Variants in PLXNA4 observed in about 807,000 individuals in gnomAD.
PLXNA4 encodes plexin-A4.
Under a neutral mutation model 191.8 loss-of-function variants are expected in PLXNA4, and 44 were observed. The observed-to-expected ratio is 0.23, with a 90% CI of 0.18 to 0.29. PLXNA4 has a LOEUF of 0.29. Ranked by LOEUF, PLXNA4 falls within the 10% of genes least tolerant of loss-of-function variation. The pLI is 1.00. For synonymous variants in PLXNA4, 1,082 were observed against 1,009.5 expected (o/e 1.07, Z -1.36); for missense variants, 1,800 against 2,488.8 (o/e 0.72, Z 5.89).
In PLXNA4 at chr7:132,507,787, TGCGCTCACA is replaced by T; in HGVS notation, c.898_906del (p.Cys300_Arg302del). 1 of 1,614,112 alleles carries T rather than the reference TGCGCTCACA, an allele frequency of 6.2e-7. No individual in the cohort carries two copies. The highest frequency in any genetic ancestry group is 8.5e-7 in the Non-Finnish European group (1 of 1,180,032). On this transcript the variant is annotated inframe_deletion, in exon 2 of 32. Coordinates refer to ENST00000321063, the MANE Select transcript of PLXNA4 (RefSeq NM_020911.2). ...TGCAGCAGGCGGTACTCCACCCCACTGCGCTCACAGCCAATGGGCACCTCTACATAGGAG... is the reference window on the plus strand; with the variant it reads ...TGCAGCAGGCGGTACTCCACCCCACTGCCAATGGGCACCTCTACATAGGAG...
At chr7:132,151,177 GAAT>G (rs1795586609) in intron 25 of PLXNA4, among the ~76,000 whole-genome samples, 1 of 151,192 alleles carries the variant, frequency 6.6e-6, no homozygotes, top group Admixed American at 6.6e-5. Context: ...AAAGGTGAAA[GAAT>G]AAGAAGAAAG....
chr7:132,400,755 T>C (rs1441958091), intron 3 of PLXNA4, among the ~76,000 whole-genome samples: 5 of 152,206 alleles, frequency 3.3e-5, no homozygotes, highest in Non-Finnish European at 5.9e-5. Flanking sequence ...AGTCCCTAGA[T>C]GTCCTCCTCG....
intron 1 of PLXNA4, among the ~76,000 whole-genome samples, chr7:132,544,566 T>C (rs761361058): frequency 6.6e-6 from 1 of 152,006 alleles, no homozygotes; most frequent in Non-Finnish European, 1.5e-5. Context: ...GCACACCCTG[T>C]CACTATGTGA....
At chr7:132,413,615 T>C (rs1794549020) in intron 3 of PLXNA4, among the ~76,000 whole-genome samples, 1 of 152,318 alleles carries the variant, frequency 6.6e-6, no homozygotes, top group Admixed American at 6.5e-5. Flanking sequence ...GCCTTACAAA[T>C]GGAGTTACTC....
intron 3 of PLXNA4, among the ~76,000 whole-genome samples, chr7:132,431,352 G>A (rs1184033115): frequency 6.6e-6 from 1 of 152,016 alleles, no homozygotes; most frequent in East Asian, 1.9e-4. Context: ...GGGTGGTAAG[G>A]CACACACCAC....
rs1802906258 is a variant in PLXNA4 at position 132,605,515 on chromosome 7, G to T, written c.-87+40413C>A. Among the ~76,000 whole-genome samples, 3 of 152,148 alleles carry T rather than the reference G, an allele frequency of 2.0e-5. No individual in the cohort carries two copies. In the South Asian group the frequency reaches 6.2e-4, roughly 32 times the overall value. On this transcript the variant is annotated intron_variant, in intron 2 of 4. Coordinates refer to the PLXNA4 transcript ENST00000378539. ...TTGGAAGCATGATGGTGCTTGGGGG[G>T]CCTGTTAGGAAGTGGGTAGGTGGCA...
In PLXNA4 at chr7:132,490,223, C is replaced by T. The variant is rs553275747; in HGVS notation, c.1189-749G>A. ...CCTACACCAGCACTTCCCAAAGTGCCATCCATGGAAACCCAGGTCCCCGAT... is the reference window on the plus strand; with the variant it reads ...CCTACACCAGCACTTCCCAAAGTGCTATCCATGGAAACCCAGGTCCCCGAT... On this transcript the variant is annotated intron_variant, in intron 2 of 31. Transcript: ENST00000321063. Among the ~76,000 whole-genome samples, 5 of 152,306 alleles carry T rather than the reference C, an allele frequency of 3.3e-5. No homozygotes were observed. The East Asian group carries it at 9.7e-4, about 29-fold the overall frequency.
intron 3 of PLXNA4, among the ~76,000 whole-genome samples, chr7:132,471,026 T>C (rs1365889014): frequency 6.6e-6 from 1 of 152,206 alleles, no homozygotes; most frequent in African/African-American, 2.4e-5. Flanking sequence ...GGGGGTGTGA[T>C]TAAATCATGG....
At chr7:132,445,440 G>A (rs931528982) in intron 3 of PLXNA4, among the ~76,000 whole-genome samples, 1 of 151,118 alleles carries the variant, frequency 6.6e-6, no homozygotes, top group Non-Finnish European at 1.5e-5. Context: ...GTGCCCCTGT[G>A]GGTCTTCCCC....
intron 1 of PLXNA4, among the ~76,000 whole-genome samples, chr7:132,568,446 G>A (rs2116739545): frequency 6.6e-6 from 1 of 152,258 alleles, no homozygotes; most frequent in African/African-American, 2.4e-5. Context: ...CTCCTAATTG[G>A]AGTACCCTGC....
chr7:132,170,403 T>C (rs1796248974), intron 21 of PLXNA4, among the ~76,000 whole-genome samples: 1 of 152,140 alleles, frequency 6.6e-6, no homozygotes, highest in South Asian at 2.1e-4. Flanking sequence ...GGGACCATGA[T>C]GTAAACTGAA....
intron 3 of PLXNA4, among the ~76,000 whole-genome samples, chr7:132,403,267 C>T (rs1467483709): frequency 6.6e-6 from 1 of 152,240 alleles, no homozygotes; most frequent in Admixed American, 6.5e-5. Context: ...GCACTGCCCC[C>T]TCAGGAGCCA....
At chr7:132,191,347 GC>G (rs1317107277) in intron 14 of PLXNA4, among the ~76,000 whole-genome samples, 2 of 152,164 alleles carry the variant, frequency 1.3e-5, no homozygotes, top group Non-Finnish European at 1.5e-5. Flanking sequence ...AGGATTGTAG[GC>G]CTAGGGGATG....
intron 1 of PLXNA4, among the ~76,000 whole-genome samples, chr7:132,564,046 C>T (rs1801575451): frequency 2.9e-3 from 1 of 350 alleles, no homozygotes; most frequent in Non-Finnish European, 5.1e-3. Context: ...CCTCCTTTTC[C>T]TCCCCCTCTT....
intron 2 of PLXNA4, among the ~76,000 whole-genome samples, chr7:132,590,783 A>G (rs546673426): frequency 1.3e-5 from 2 of 152,252 alleles, no homozygotes; most frequent in Non-Finnish European, 2.9e-5. Context: ...CCCAGGAACA[A>G]TACTTTGTAT....
intron 1 of PLXNA4, among the ~76,000 whole-genome samples, chr7:132,541,562 G>T (rs1274940836): frequency 1.3e-5 from 2 of 152,118 alleles, no homozygotes; most frequent in Non-Finnish European, 2.9e-5. Flanking sequence ...TTTTTTCGTT[G>T]TTTTCCTTTT....
intron 30 of PLXNA4, among the ~76,000 whole-genome samples, chr7:132,138,320 G>A (rs1418258563): frequency 1.3e-5 from 2 of 152,148 alleles, no homozygotes; most frequent in Non-Finnish European, 2.9e-5. Context: ...ACCAAGCCGT[G>A]GCCAGGTCAC....
intron 3 of PLXNA4, among the ~76,000 whole-genome samples, chr7:132,373,750 G>C (rs1398876537): frequency 6.6e-6 from 1 of 152,228 alleles, no homozygotes; most frequent in African/African-American, 2.4e-5. Context: ...TGCAGGGGTG[G>C]AGGAGGAGCA....
chr7:132,438,334 T>C (rs555737548), intron 3 of PLXNA4, among the ~76,000 whole-genome samples: 1 of 152,300 alleles, frequency 6.6e-6, no homozygotes, highest in Non-Finnish European at 1.5e-5. Context: ...GCACGGGACA[T>C]AGGGCCTGGC....
Sources: gnomAD v4.1 joint callset for allele counts (sites outside exome capture counted in the v4.1 genomes callset) on GRCh38, gnomAD v4.1.1 for gene constraint, MANE v1.5 for transcripts, NCBI Gene and HGNC (gene_info 2026-07-23, HGNC 2026-07-21) for gene names.